DPYD: variants seen among roughly 807,000 people sequenced by gnomAD.
The protein encoded by DPYD is dihydropyrimidine dehydrogenase [NADP(+)].
DPYD carries 109 observed loss-of-function variants against 116.2 expected under a neutral mutation model. The observed-to-expected ratio is 0.94, with a 90% CI of 0.80 to 1.10. DPYD has a LOEUF of 1.10. Among genes scored for constraint, DPYD ranks in the 50% least tolerant of loss-of-function variants. The pLI, the probability that DPYD is intolerant of heterozygous loss-of-function variation, is 0.00. For missense variants in DPYD, 1,302 were observed against 1,254.5 expected (o/e 1.04, Z -0.57); for synonymous variants, 440 against 432.0 (o/e 1.02, Z -0.23).
At chr1:97,670,254 A>C (rs1417134084) in intron 8 of DPYD, among the ~76,000 whole-genome samples, 1 of 152,176 alleles carries the variant, frequency 6.6e-6, no homozygotes, top group Admixed American at 6.6e-5. Context: ...TATGATTACC[A>C]AACGTAAAAC....
At chr1:97,772,450 T>G (rs557853340) in intron 3 of DPYD, among the ~76,000 whole-genome samples, 1 of 152,306 alleles carries the variant, frequency 6.6e-6, no homozygotes, top group East Asian at 1.9e-4. Context: ...GAGAAGCCAC[T>G]TGAATTTGGA....
chr1:97,496,202 C>T (rs1179094400), intron 13 of DPYD, among the ~76,000 whole-genome samples: 1 of 152,016 alleles, frequency 6.6e-6, no homozygotes, highest in Non-Finnish European at 1.5e-5. Context: ...CTCTTTTATA[C>T]ATGTCAAATA....
intron 8 of DPYD, among the ~76,000 whole-genome samples, chr1:97,605,760 A>T (rs1033446325): frequency 6.6e-6 from 1 of 152,100 alleles, no homozygotes; most frequent in Non-Finnish European, 1.5e-5. Context: ...CAATAGTATG[A>T]TAATTGCTTA....
At chr1:97,335,815 A>G (rs1022162987) in intron 16 of DPYD, among the ~76,000 whole-genome samples, 4 of 152,190 alleles carry the variant, frequency 2.6e-5, no homozygotes, top group Non-Finnish European at 5.9e-5. Flanking sequence ...TGCCTTTTGA[A>G]AGCAAAGACA....
intron 12 of DPYD, among the ~76,000 whole-genome samples, chr1:97,539,562 G>A (rs1228976757): frequency 6.6e-6 from 1 of 151,908 alleles, no homozygotes; most frequent in African/African-American, 2.4e-5. Flanking sequence ...TTCCACTACT[G>A]GTAATAAATA....
intron 14 of DPYD, among the ~76,000 whole-genome samples, chr1:97,391,044 T>C (rs1041340065): frequency 7.1e-6 from 1 of 141,080 alleles, no homozygotes; most frequent in Non-Finnish European, 1.5e-5. Flanking sequence ...CACTTACTTT[T>C]CCTCTTTTTT....
chr1:97,368,463 C>T (rs1879371), intron 16 of DPYD, among the ~76,000 whole-genome samples: 75,193 of 151,822 alleles, frequency 0.5, 18,941 homozygotes, highest in South Asian at 0.7. Flanking sequence ...AGAAAATCAT[C>T]CCAAGAGGGT....
intron 12 of DPYD, among the ~76,000 whole-genome samples, chr1:97,524,769 A>G (rs890915082): frequency 6.6e-6 from 1 of 152,150 alleles, no homozygotes; most frequent in Non-Finnish European, 1.5e-5. Context: ...TATTCAGGAT[A>G]TAATTTACAC....
chr1:97,907,887 C>A (rs1673721268), intron 1 of DPYD, among the ~76,000 whole-genome samples: 1 of 152,068 alleles, frequency 6.6e-6, no homozygotes, highest in African/African-American at 2.4e-5. Flanking sequence ...GTCTAGAAGT[C>A]TAAAGTAAAG....
chr1:97,318,896 G>A (rs1570506402), intron 16 of DPYD, among the ~76,000 whole-genome samples: 1 of 148,220 alleles, frequency 6.7e-6, no homozygotes, highest in East Asian at 2.0e-4. Flanking sequence ...AGACAACAGT[G>A]CAATCAAACT....
intron 2 of DPYD, among the ~76,000 whole-genome samples, chr1:97,836,524 T>C (rs185696162): frequency 6.6e-6 from 1 of 152,266 alleles, no homozygotes; most frequent in African/African-American, 2.4e-5. Flanking sequence ...AACTCACAGA[T>C]GTAAACAGTC....
intron 19 of DPYD, among the ~76,000 whole-genome samples, chr1:97,213,779 C>T (rs148670818): frequency 0.01 from 1,572 of 152,184 alleles, 24 homozygotes; most frequent in African/African-American, 0.036. Flanking sequence ...TTCTTTATCC[C>T]ATTTATTTGT....
At chr1:97,267,500 G>A (rs1305841274) in intron 18 of DPYD, among the ~76,000 whole-genome samples, 1 of 152,140 alleles carries the variant, frequency 6.6e-6, no homozygotes, top group Non-Finnish European at 1.5e-5. Flanking sequence ...TGCATCTGGT[G>A]AGAGCCTTCC....
chr1:97,189,414 G>T (rs988923565), intron 20 of DPYD, among the ~76,000 whole-genome samples: 12 of 152,130 alleles, frequency 7.9e-5, no homozygotes, highest in Non-Finnish European at 2.9e-5. Context: ...TTCATGACTG[G>T]TATTTAGGAG....
chr1:97,127,347 G>C (rs1050946034), intron 20 of DPYD, among the ~76,000 whole-genome samples: 4 of 152,116 alleles, frequency 2.6e-5, no homozygotes, highest in African/African-American at 9.7e-5. Flanking sequence ...TCCAGGTAGG[G>C]GAGGGTCTTG....
intron 10 of DPYD, among the ~76,000 whole-genome samples, chr1:97,579,878 TA>T (rs911894265): frequency 7.2e-5 from 11 of 152,010 alleles, no homozygotes; most frequent in Admixed American, 4.6e-4. Flanking sequence ...GTGGGAAAGT[TA>T]AAAAAAATTC....
intron 5 of DPYD, among the ~76,000 whole-genome samples, chr1:97,716,487 T>C (rs967679564): frequency 6.6e-6 from 1 of 152,066 alleles, no homozygotes; most frequent in African/African-American, 2.4e-5. Flanking sequence ...GACAAATTCA[T>C]ACATATGATC....
intron 20 of DPYD, among the ~76,000 whole-genome samples, chr1:97,185,556 CA>C (rs1241205094): frequency 1.3e-5 from 2 of 151,734 alleles, no homozygotes; most frequent in Admixed American, 1.3e-4. Flanking sequence ...TTTATAACAC[CA>C]AAAAAGTGAA....
intron 14 of DPYD, among the ~76,000 whole-genome samples, chr1:97,413,206 C>T (rs1025052844): frequency 1.3e-5 from 2 of 152,148 alleles, no homozygotes; most frequent in African/African-American, 4.8e-5. Context: ...CTTCTTTTGG[C>T]ACCATGATGT....
Sources: gnomAD v4.1 joint callset for allele counts (sites outside exome capture counted in the v4.1 genomes callset) on GRCh38, gnomAD v4.1.1 for gene constraint, MANE v1.5 for transcripts, NCBI Gene and HGNC (gene_info 2026-07-23, HGNC 2026-07-21) for gene names.